Variants in SFRP4 observed in about 807,000 individuals in gnomAD.
The protein encoded by SFRP4 is secreted frizzled-related protein 4.
A neutral mutation model predicts 36.3 loss-of-function variants in SFRP4; 25 were observed. The observed-to-expected ratio is 0.69, with a 90% CI of 0.50 to 0.96. The LOEUF is 0.96. SFRP4 is among the 40% of genes least tolerant of loss of function. The pLI is 0.00. For missense variants in SFRP4, 487 were observed against 459.6 expected (o/e 1.06, Z -0.54); for synonymous variants, 182 against 168.8 (o/e 1.08, Z -0.60).
chr7:37,907,780 G>C, intron 5 of SFRP4, 116 bp from the exon 6 acceptor site: 2 of 692,746 alleles, frequency 2.9e-6, no homozygotes, highest in Non-Finnish European at 2.4e-6. Flanking sequence ...GGTAACAATT[G>C]TAATAGCTAC....
At chr7:37,910,230 A>G (rs1482080419) in intron 4 of SFRP4, among the ~76,000 whole-genome samples, 4 of 152,120 alleles carry the variant, frequency 2.6e-5, no homozygotes, top group Middle Eastern at 3.4e-3. Flanking sequence ...CACTAACATT[A>G]AGAATTAGGT....
chr7:37,912,932 C>T (rs1785517804), intron 3 of SFRP4, among the ~76,000 whole-genome samples: 1 of 152,178 alleles, frequency 6.6e-6, no homozygotes, highest in Non-Finnish European at 1.5e-5. Context: ...GCTATTACTG[C>T]CTCCCGTAGA....
At chr7:37,915,882 TTC>T (rs1785565376) in intron 1 of SFRP4, among the ~76,000 whole-genome samples, 2 of 152,278 alleles carry the variant, frequency 1.3e-5, no homozygotes, top group Non-Finnish European at 2.9e-5. Flanking sequence ...CTTTTTTTTT[TTC>T]TTTATGGGGT....
At chr7:37,910,555 C>A (rs1298357012) in intron 4 of SFRP4, among the ~76,000 whole-genome samples, 1 of 151,894 alleles carries the variant, frequency 6.6e-6, no homozygotes, top group Non-Finnish European at 1.5e-5. Context: ...TAATTTCTTA[C>A]ATTACTTTTA....
rs1262676862 is a variant in SFRP4 at position 37,916,383 on chromosome 7, T to C, written c.155A>G (p.Glu52Gly). ...MPNHLHHSTQ[E>G]NAILAIEQYE... ...CTGCTCGATGGCCAGGATGGCGTTCTCCTGCGTGCTGTGGTGCAGGTGGTT... is the reference window on the plus strand; with the variant it reads ...CTGCTCGATGGCCAGGATGGCGTTCCCCTGCGTGCTGTGGTGCAGGTGGTT... Residue 52 changes from glutamate to glycine, a missense_variant, in exon 1 of 6, where the codon GAG becomes GGG. Transcript: ENST00000436072. The surrounding 1 kb of genome is among the most constrained non-coding windows in gnomAD (Gnocchi z 4.1). 1 of 1,614,172 alleles carries C rather than the reference T, an allele frequency of 6.2e-7. No homozygotes were observed. The highest frequency in any genetic ancestry group is 8.5e-7 in the Non-Finnish European group (1 of 1,180,016).
intron 3 of SFRP4, among the ~76,000 whole-genome samples, chr7:37,913,505 C>A (rs999780256): frequency 6.6e-6 from 1 of 152,096 alleles, no homozygotes; most frequent in Admixed American, 6.5e-5. Context: ...AAAATGTCTG[C>A]CTTTTACATT....
chr7:37,914,928 T>G (rs1396837480), intron 1 of SFRP4, among the ~76,000 whole-genome samples: 2 of 152,214 alleles, frequency 1.3e-5, no homozygotes, highest in East Asian at 3.8e-4. Context: ...TGTTGACTTC[T>G]CCTTTCATAA....
chr7:37,910,176 A>C (rs1457139788), intron 4 of SFRP4, among the ~76,000 whole-genome samples: 1 of 152,046 alleles, frequency 6.6e-6, no homozygotes, highest in Non-Finnish European at 1.5e-5. Context: ...TTTTCAATGC[A>C]TAGTGCCAAG....
chr7:37,916,650 G>C lies in SFRP4; in HGVS notation c.-113C>G. 7.0e-7 allele frequency: 1 copy of C among 1,431,482 alleles called. No individual in the cohort carries two copies. The highest frequency in any genetic ancestry group is 1.8e-4 in the Middle Eastern group (1 of 5,544). The allele number at this position is 1,431,482 out of a possible 1,614,324, so 88.7% of individuals were successfully genotyped here. ...GGAAGAAATCCTCTGGGGCGCAGGA[G>C]AGTTTCTTCCCCCAAACTCCAGTCG... On this transcript the variant is annotated 5_prime_UTR_variant, in exon 1 of 6. Coordinates refer to ENST00000436072, the MANE Select transcript of SFRP4 (RefSeq NM_003014.4). The surrounding 1 kb of genome is among the most constrained non-coding windows in gnomAD (Gnocchi z 4.1).
In SFRP4 at chr7:37,916,436, G is replaced by A. The variant is rs112343199; in HGVS notation, c.102C>T (p.His34=). 22,234 of 1,614,022 alleles carry A rather than the reference G, an allele frequency of 0.014. 195 individuals are homozygous for A. The highest frequency in any genetic ancestry group is 0.017 in the Non-Finnish European group (19,771 of 1,179,928). The change falls in exon 1 of 6, where the codon CAC becomes CAT. Residue 34 remains histidine (H), a synonymous_variant. Transcript: ENST00000436072. The surrounding 1 kb of genome is among the most constrained non-coding windows in gnomAD (Gnocchi z 4.1). Reference sequence around the variant, plus strand: ...GCATCCGCGTGATGTTCCAGGGCATGTGCCGGCACATAGGGATGCGCACCG... The same window carrying A: ...GCATCCGCGTGATGTTCCAGGGCATATGCCGGCACATAGGGATGCGCACCG... ...CEAVRIPMCR[H]MPWNITRMPN... is the part of the protein sequence containing the mutation.
chr7:37,912,003 A>AT (rs1785495263), intron 4 of SFRP4, 116 bp downstream of exon 4: 1 of 726,420 alleles, frequency 1.4e-6, no homozygotes, highest in Non-Finnish European at 2.2e-6. Context: ...TGTTAAACTA[A>AT]TTTTTTTAAA....
At chr7:37,915,967 A>G (rs1485730614) in intron 1 of SFRP4, 126 bp downstream of exon 1, 6 of 1,384,612 alleles carry the variant, frequency 4.3e-6, no homozygotes, top group Non-Finnish European at 5.8e-6. Context: ...TGTTTCCCCC[A>G]TTCTTTCCCA....
chr7:37,911,215 A>G (rs573805598), intron 4 of SFRP4, among the ~76,000 whole-genome samples: 24 of 152,346 alleles, frequency 1.6e-4, no homozygotes, highest in African/African-American at 5.3e-4. Context: ...TCAAGGTGAT[A>G]TCCATGTTGT....
At chr7:37,914,925 T>G (rs1314553316) in intron 1 of SFRP4, among the ~76,000 whole-genome samples, 1 of 152,204 alleles carries the variant, frequency 6.6e-6, no homozygotes, top group Non-Finnish European at 1.5e-5. Flanking sequence ...GATTGTTGAC[T>G]TCTCCTTTCA....
rs1583652382 is a variant in SFRP4 at position 37,906,563 on chromosome 7, AT to A, written c.*915del. On this transcript the variant is annotated 3_prime_UTR_variant, in exon 6 of 6. Transcript: ENST00000436072. ...GAAGAAAACAAAATTTGGCACTCAC[AT>A]GAAGGCCATTTTTAAGCTTGTCAAA... 1 of 152,344 alleles carries A rather than the reference AT, an allele frequency of 6.6e-6. No homozygotes were observed. The highest frequency in any genetic ancestry group is 1.9e-4 in the East Asian group (1 of 5,190). 9.4% of individuals were successfully genotyped at this position (152,344 alleles called of 1,614,324 possible). A position where few individuals can be genotyped will look rare whatever the true frequency, so the allele number is the denominator to read the frequency against.
intron 5 of SFRP4, among the ~76,000 whole-genome samples, chr7:37,908,862 T>G (rs961431209): frequency 3.9e-5 from 6 of 152,194 alleles, no homozygotes; most frequent in South Asian, 2.1e-4. Context: ...TCTCCATAAC[T>G]CAATTGTTAA....
Position 37,907,341 on chromosome 7 carries a change from C to A in SFRP4, c.*138G>T. 1.5e-6 allele frequency: 1 copy of A among 652,936 alleles called. No homozygotes were observed. The highest frequency in any genetic ancestry group is 1.8e-5 in the African/African-American group (1 of 54,772). The allele number at this position is 652,936 out of a possible 1,614,324, so 40.4% of individuals were successfully genotyped here. On this transcript the variant is annotated 3_prime_UTR_variant, in exon 6 of 6. Coordinates refer to ENST00000436072, the MANE Select transcript of SFRP4 (RefSeq NM_003014.4). ...CTGAAGCATAGCCTTAAGAAAAATGCTGCAAGATGTGTCTATGAAGAGCAC... is the reference window on the plus strand; with the variant it reads ...CTGAAGCATAGCCTTAAGAAAAATGATGCAAGATGTGTCTATGAAGAGCAC...
Position 37,916,490 on chromosome 7 carries a change from C to A in SFRP4, c.48G>T (p.Ala16=), listed in dbSNP as rs776767479. ...LVALCLWLHL[A]LGVRGAPCEA... ...CGCAGGGCGCGCCGCGCACGCCCAG[C>A]GCCAGGTGCAGCCACAGGCACAGCG... The change falls in exon 1 of 6, where the codon GCG becomes GCT. Residue 16 remains alanine (A), a synonymous_variant. Transcript: ENST00000436072. This position sits in a 1 kb window ranked among gnomAD's most constrained non-coding sequence, Gnocchi z 4.1. 1.9e-6 allele frequency: 3 copies of A among 1,612,546 alleles called. No individual in the cohort carries two copies. Among genetic ancestry groups the A allele is most frequent in the Non-Finnish European group, 1.7e-6 (2 of 1,179,536 alleles).
At chr7:37,909,314 T>G (rs1014415524) in intron 5 of SFRP4, among the ~76,000 whole-genome samples, 5 of 152,166 alleles carry the variant, frequency 3.3e-5, no homozygotes, top group African/African-American at 9.6e-5. Context: ...CTCAAGTATC[T>G]CATGGTTCAC....
Sources: allele counts gnomAD v4.1 joint callset (sites outside exome capture counted in the v4.1 genomes callset), GRCh38; gene constraint gnomAD v4.1.1; non-coding constraint Gnocchi (gnomAD v3.1); transcripts MANE v1.5; gene names NCBI Gene and HGNC (gene_info 2026-07-23, HGNC 2026-07-21).